Variants in CATSPERB observed in about 807,000 individuals in gnomAD.
The protein encoded by CATSPERB is cation channel sperm-associated auxiliary subunit beta.
A neutral mutation model predicts 128.3 loss-of-function variants in CATSPERB; 93 were observed. That is an observed-to-expected ratio of 0.72 (90% CI 0.61 to 0.86). The LOEUF is 0.86. Among genes scored for constraint, CATSPERB ranks in the 40% least tolerant of loss-of-function variants. The pLI is 0.00. For missense variants in CATSPERB, 1,153 were observed against 1,329.5 expected (o/e 0.87, Z 2.06); for synonymous variants, 381 against 448.8 (o/e 0.85, Z 1.91).
intron 17 of CATSPERB, among the ~76,000 whole-genome samples, chr14:91,633,982 A>G (rs770428144): frequency 7.2e-4 from 110 of 152,240 alleles, no homozygotes; most frequent in South Asian, 1.2e-3. Context: ...AAAAACAAAA[A>G]AAATTATAGT....
chr14:91,719,357 G>A, intron 5 of CATSPERB, 61 bp downstream of exon 5: 6 of 1,193,230 alleles, frequency 5.0e-6, no homozygotes, highest in South Asian at 1.6e-5. Context: ...AATTCTTTTT[G>A]TTCTTTTTAT....
chr14:91,669,961 A>G lies in CATSPERB; in HGVS notation c.1140T>C (p.Thr380=). The change falls in exon 14 of 27, where the codon ACT becomes ACC. Residue 380 remains threonine (T), a synonymous_variant. Transcript: ENST00000256343. The stretch of plus-strand genomic sequence containing the variant: ...TCAGGGTGCTCACAGAGGCAATGGC[A>G]GTTTTCCTGACCTAGGTAAACAAAG... ...VYLFYNKVRK[T]AIASVSTLRN... 2 of 1,612,126 alleles carry G rather than the reference A, an allele frequency of 1.2e-6. No individual in the cohort carries two copies. Among genetic ancestry groups the G allele is most frequent in the South Asian group, 1.1e-5 (1 of 90,432 alleles).
chr14:91,693,126 C>A lies in CATSPERB; in HGVS notation c.831G>T (p.Ser277=). ...DLRYPSRHSL[S]FSRADFCGFE... Reference sequence around the variant, plus strand: ...ATTAGTTACAAAGCAATTTACATACCGATAAGCTGTGGCGTGATGGATAAC... The same window carrying A: ...ATTAGTTACAAAGCAATTTACATACAGATAAGCTGTGGCGTGATGGATAAC... The change falls in exon 9 of 27, where the codon TCG becomes TCT. Residue 277 remains serine, a splice_region_variant and synonymous_variant. Coordinates refer to ENST00000256343, the MANE Select transcript of CATSPERB (RefSeq NM_024764.4). 2 of 1,595,494 alleles carry A rather than the reference C, an allele frequency of 1.3e-6. No homozygotes were observed. Among genetic ancestry groups the A allele is most frequent in the South Asian group, 1.1e-5 (1 of 89,980 alleles).
At chr14:91,728,653 T>C (rs1262510617) in intron 2 of CATSPERB, among the ~76,000 whole-genome samples, 1 of 152,194 alleles carries the variant, frequency 6.6e-6, no homozygotes, top group Non-Finnish European at 1.5e-5. Flanking sequence ...GATTCTGTTA[T>C]AATAATAAAA....
chr14:91,621,315 G>A (rs765756583), intron 19 of CATSPERB, among the ~76,000 whole-genome samples: 34 of 152,258 alleles, frequency 2.2e-4, no homozygotes, highest in Admixed American at 5.2e-4. Flanking sequence ...CAGGAGAATC[G>A]CTTGAACCCA....
In CATSPERB at chr14:91,708,079, G is replaced by A. The variant is rs78613025; in HGVS notation, c.466+62C>T. 10,391 of 1,063,306 alleles carry A rather than the reference G, an allele frequency of 9.8e-3. 683 individuals are homozygous for A. The African/African-American group carries it at 0.14, about 15-fold the overall frequency. 65.9% of individuals were successfully genotyped at this position (1,063,306 alleles called of 1,614,324 possible). On this transcript the variant is annotated intron_variant, in intron 6 of 26. Coordinates refer to ENST00000256343, the MANE Select transcript of CATSPERB (RefSeq NM_024764.4). ...TTAGCACAGAATCTGGCATATAGCG[G>A]ATGTCAAAGTTTGTTGAAAGAATAT...
chr14:91,610,382 A>T, intron 21 of CATSPERB, 98 bp downstream of exon 21: 1 of 878,256 alleles, frequency 1.1e-6, no homozygotes, highest in Non-Finnish European at 1.8e-6. Context: ...GTTTTGAGCC[A>T]CTCACAAAAG....
At chr14:91,703,299 C>T (rs988910913) in intron 7 of CATSPERB, among the ~76,000 whole-genome samples, 1 of 152,116 alleles carries the variant, frequency 6.6e-6, no homozygotes, top group East Asian at 1.9e-4. Flanking sequence ...GTTTTCGTCC[C>T]TGGCTCCTGA....
intron 24 of CATSPERB, among the ~76,000 whole-genome samples, chr14:91,588,604 G>A (rs1363751909): frequency 1.3e-5 from 2 of 152,078 alleles, no homozygotes; most frequent in Non-Finnish European, 2.9e-5. Flanking sequence ...GGGGTTAGAC[G>A]TTGCAGTGGT....
chr14:91,662,174 T>C (rs1160633408), intron 14 of CATSPERB, among the ~76,000 whole-genome samples: 1 of 152,160 alleles, frequency 6.6e-6, no homozygotes, highest in African/African-American at 2.4e-5. Flanking sequence ...CTGCCTTTCC[T>C]GTTACATATC....
At chr14:91,653,473 C>T (rs557078906) in intron 15 of CATSPERB, among the ~76,000 whole-genome samples, 1 of 152,214 alleles carries the variant, frequency 6.6e-6, no homozygotes, top group South Asian at 2.1e-4. Context: ...TCAAGACATG[C>T]CCGAGACTGG....
At chr14:91,617,257 T>C (rs1467488110) in intron 20 of CATSPERB, among the ~76,000 whole-genome samples, 27 of 152,242 alleles carry the variant, frequency 1.8e-4, no homozygotes, top group Admixed American at 1.8e-3. Context: ...CACTGTGTTT[T>C]GGTCTGCAAA....
chr14:91,716,888 A>G (rs753553147), intron 5 of CATSPERB, among the ~76,000 whole-genome samples: 20 of 152,196 alleles, frequency 1.3e-4, no homozygotes, highest in Non-Finnish European at 2.8e-4. Context: ...ACAACACAGT[A>G]ATCCTACTAC....
At chr14:91,652,445 G>A (rs931137022) in intron 15 of CATSPERB, among the ~76,000 whole-genome samples, 10 of 151,508 alleles carry the variant, frequency 6.6e-5, no homozygotes, top group Admixed American at 6.6e-4. Context: ...GATCATTTGA[G>A]GTCAGGAGTT....
intron 13 of CATSPERB, among the ~76,000 whole-genome samples, chr14:91,671,975 G>A (rs573535632): frequency 6.6e-6 from 1 of 151,998 alleles, no homozygotes; most frequent in Admixed American, 6.6e-5. Context: ...AGCCGAGATT[G>A]CACCACTGCA....
intron 15 of CATSPERB, among the ~76,000 whole-genome samples, chr14:91,655,222 C>A (rs917514026): frequency 2.0e-5 from 3 of 152,212 alleles, no homozygotes; most frequent in Admixed American, 1.3e-4. Flanking sequence ...CAGGTACGAA[C>A]AAGCCCAGAC....
chr14:91,696,188 T>G (rs776842657), intron 7 of CATSPERB, among the ~76,000 whole-genome samples: 1 of 152,224 alleles, frequency 6.6e-6, no homozygotes, highest in Non-Finnish European at 1.5e-5. Flanking sequence ...CAGACTGGAT[T>G]AAGTCTTCTG....
chr14:91,702,698 A>ACACACACC (rs1555364570), intron 7 of CATSPERB, among the ~76,000 whole-genome samples: 11 of 151,580 alleles, frequency 7.3e-5, no homozygotes, highest in African/African-American at 2.2e-4. Context: ...ACACACACAC[A>ACACACACC]CACACACAAA....
At chr14:91,692,409 C>T (rs376383259) in intron 9 of CATSPERB, among the ~76,000 whole-genome samples, 1 of 152,086 alleles carries the variant, frequency 6.6e-6, no homozygotes, top group African/African-American at 2.4e-5. Context: ...TCTGTTTTAG[C>T]AATTATATAA....
Sources: allele counts gnomAD v4.1 joint callset (sites outside exome capture counted in the v4.1 genomes callset), GRCh38; gene constraint gnomAD v4.1.1; transcripts MANE v1.5; gene names NCBI Gene and HGNC (gene_info 2026-07-23, HGNC 2026-07-21).